The following CACNB4 variants were observed in gnomAD, a reference collection of about 807,000 sequenced individuals.
CACNB4 encodes the protein voltage-dependent L-type calcium channel subunit beta-4.
A neutral mutation model predicts 71.2 loss-of-function variants in CACNB4; 32 were observed. The observed-to-expected ratio is 0.45, with a 90% CI of 0.34 to 0.60. The LOEUF (loss-of-function observed/expected upper bound fraction) is 0.60. CACNB4 is among the 20% of genes least tolerant of loss of function. The pLI, the probability that CACNB4 is intolerant of heterozygous loss-of-function variation, is 0.01. For missense variants in CACNB4, 464 were observed against 647.9 expected, an observed-to-expected ratio of 0.72 and a Z score of 3.08; for synonymous variants, 231 against 236.9, an observed-to-expected ratio of 0.97 and a Z score of 0.23.
At chr2:152,035,285 G>A (rs923792075) in intron 2 of CACNB4, among the ~76,000 whole-genome samples, 9 of 152,210 alleles carry the variant, frequency 5.9e-5, no homozygotes, top group Non-Finnish European at 1.5e-5. Context: ...CGCAGGCCGG[G>A]AGCAGTGGCT....
intron 2 of CACNB4, among the ~76,000 whole-genome samples, chr2:152,000,727 C>T (rs968171901): frequency 2.6e-5 from 4 of 152,176 alleles, no homozygotes; most frequent in African/African-American, 9.7e-5. Context: ...CAATTAGCCA[C>T]CAAATCCTCC....
chr2:152,069,217 CTTG>C (rs1172327089), intron 2 of CACNB4, among the ~76,000 whole-genome samples: 1 of 152,194 alleles, frequency 6.6e-6, no homozygotes, highest in Non-Finnish European at 1.5e-5. Flanking sequence ...CACTGGCCAA[CTTG>C]TTAATATATT....
At chr2:151,940,287 C>A (rs541547103) in intron 2 of CACNB4, among the ~76,000 whole-genome samples, 1 of 152,262 alleles carries the variant, frequency 6.6e-6, no homozygotes, top group Admixed American at 6.5e-5. Context: ...CAGGAGCCTC[C>A]TTGAATTTCT....
At chr2:151,998,315 CAAAAAAAAAAAAAA>C (rs70974815) in intron 2 of CACNB4, among the ~76,000 whole-genome samples, 6 of 110,714 alleles carry the variant, frequency 5.4e-5, no homozygotes, top group Non-Finnish European at 5.3e-5. Flanking sequence ...ACTCCATCTC[CAAAAAAAAAAAAAA>C]AAAAAAAAAA....
intron 2 of CACNB4, among the ~76,000 whole-genome samples, chr2:152,051,013 C>T (rs1049659414): frequency 1.2e-4 from 18 of 151,990 alleles, no homozygotes; most frequent in African/African-American, 3.6e-4. Flanking sequence ...AAGTGATCTG[C>T]GCACCTCGGC....
At chr2:151,902,119 T>G (rs1401582082) in intron 2 of CACNB4, among the ~76,000 whole-genome samples, 3 of 151,746 alleles carry the variant, frequency 2.0e-5, no homozygotes, top group African/African-American at 7.3e-5. Context: ...ATTGCAGCTT[T>G]GACCTCCCTG....
chr2:151,919,190 T>A (rs2099858298), intron 2 of CACNB4, among the ~76,000 whole-genome samples: 1 of 152,186 alleles, frequency 6.6e-6, no homozygotes, highest in Non-Finnish European at 1.5e-5. Flanking sequence ...CAGTCCAGGT[T>A]TTGCCAAAGA....
At chr2:152,091,775 T>C (rs1687986413) in intron 2 of CACNB4, among the ~76,000 whole-genome samples, 1 of 152,170 alleles carries the variant, frequency 6.6e-6, no homozygotes, top group African/African-American at 2.4e-5. Context: ...CCCAGGTCAG[T>C]GGGCTTCCAG....
chr2:152,037,495 C>T (rs981366943), intron 2 of CACNB4, among the ~76,000 whole-genome samples: 3 of 152,200 alleles, frequency 2.0e-5, no homozygotes, highest in Non-Finnish European at 2.9e-5. Context: ...CAAATGCTTA[C>T]GTATCTGACT....
intron 2 of CACNB4, among the ~76,000 whole-genome samples, chr2:152,008,999 G>A (rs1257216972): frequency 2.0e-5 from 3 of 152,166 alleles, no homozygotes; most frequent in Non-Finnish European, 2.9e-5. Flanking sequence ...AATGAACAGC[G>A]CTTTTAACCA....
At chr2:151,919,376 T>C (rs988559966) in intron 2 of CACNB4, among the ~76,000 whole-genome samples, 1 of 152,078 alleles carries the variant, frequency 6.6e-6, no homozygotes, top group Non-Finnish European at 1.5e-5. Context: ...GGATTAGAGA[T>C]GTTAGCCACC....
chr2:151,848,891 A>G (rs897795520), intron 12 of CACNB4, among the ~76,000 whole-genome samples: 1 of 152,114 alleles, frequency 6.6e-6, no homozygotes, highest in Non-Finnish European at 1.5e-5. Flanking sequence ...AAAACATACT[A>G]TTTTCAACTT....
intron 2 of CACNB4, among the ~76,000 whole-genome samples, chr2:151,944,044 T>A (rs995702759): frequency 2.0e-5 from 3 of 151,116 alleles, no homozygotes; most frequent in East Asian, 1.9e-4. Context: ...TTTTTTTTTT[T>A]TAGAGAAAGG....
chr2:151,995,289 A>C (rs920345568), intron 2 of CACNB4, among the ~76,000 whole-genome samples: 6 of 152,100 alleles, frequency 3.9e-5, no homozygotes, highest in African/African-American at 1.4e-4. Context: ...ATAAACCACA[A>C]GGCCAAAGTC....
At chr2:151,872,077 T>C (rs2099844783) in intron 6 of CACNB4, 3 of 267,834 alleles carry the variant, frequency 1.1e-5, no homozygotes, top group African/African-American at 7.1e-5. Context: ...GTCTGCATCA[T>C]TTTTTTCCTT....
intron 2 of CACNB4, among the ~76,000 whole-genome samples, chr2:151,885,257 G>T (rs1372605582): frequency 6.6e-6 from 1 of 152,250 alleles, no homozygotes; most frequent in African/African-American, 2.4e-5. Flanking sequence ...AAGAGGGACA[G>T]TGCCTACTTC....
intron 2 of CACNB4, among the ~76,000 whole-genome samples, chr2:152,010,673 C>T (rs1311598639): frequency 6.6e-6 from 1 of 152,216 alleles, no homozygotes; most frequent in Non-Finnish European, 1.5e-5. Flanking sequence ...GGTCACTCTG[C>T]TAGCAAGTGG....
At chr2:151,866,390 C>G (rs2099843112) in intron 9 of CACNB4, 1 of 152,160 alleles carries the variant, frequency 6.6e-6, no homozygotes, top group Admixed American at 6.5e-5. Flanking sequence ...CATTCATAGC[C>G]CATGAAACAC....
chr2:151,919,313 C>A (rs1015066368), intron 2 of CACNB4, among the ~76,000 whole-genome samples: 2 of 152,178 alleles, frequency 1.3e-5, no homozygotes, highest in Non-Finnish European at 2.9e-5. Flanking sequence ...CTCACTGCAG[C>A]CTCACACTCC....
Sources: allele counts gnomAD v4.1 joint callset (sites outside exome capture counted in the v4.1 genomes callset), GRCh38; gene constraint gnomAD v4.1.1; transcripts MANE v1.5; gene names NCBI Gene and HGNC (gene_info 2026-07-23, HGNC 2026-07-21).